Variants in SPATA13 observed in about 807,000 individuals in gnomAD.
SPATA13 encodes spermatogenesis-associated protein 13.
Under a neutral mutation model 104.0 loss-of-function variants are expected in SPATA13, and 50 were observed. The ratio of observed to expected loss-of-function variants is 0.48; its 90% CI spans 0.38 to 0.61. The LOEUF (loss-of-function observed/expected upper bound fraction) is 0.61. Among genes scored for constraint, SPATA13 ranks in the 20% least tolerant of loss-of-function variants. SPATA13 has a pLI of 0.00. For synonymous variants in SPATA13, 606 were observed against 667.5 expected, an observed-to-expected ratio of 0.91 and a Z score of 1.42; for missense variants, 1,524 against 1,690.6, an observed-to-expected ratio of 0.90 and a Z score of 1.73.
At chr13:24,110,056 A>T (rs1880588486) in intron 3 of SPATA13, among the ~76,000 whole-genome samples, 1 of 149,858 alleles carries the variant, frequency 6.7e-6, no homozygotes, top group Admixed American at 6.7e-5. Flanking sequence ...GCAGCGGGAC[A>T]TGTCATTTTG....
intron 2 of SPATA13, among the ~76,000 whole-genome samples, chr13:24,016,091 C>T (rs796472318): frequency 2.0e-5 from 3 of 152,276 alleles, no homozygotes; most frequent in African/African-American, 7.2e-5. Flanking sequence ...GGCAGAGCCC[C>T]GTTCCAAGTC....
At chr13:23,981,152 C>A (rs1874874279) in intron 1 of SPATA13, among the ~76,000 whole-genome samples, 1 of 152,116 alleles carries the variant, frequency 6.6e-6, no homozygotes, top group Non-Finnish European at 1.5e-5. Flanking sequence ...GCGACTTTCA[C>A]AAAGGACTAG....
chr13:24,174,460 T>C (rs542608778), intron 1 of SPATA13, among the ~76,000 whole-genome samples: 17 of 152,250 alleles, frequency 1.1e-4, no homozygotes, highest in African/African-American at 4.1e-4. Context: ...TATGAGCATT[T>C]CGTGCTATCA....
chr13:23,993,949 G>T (rs901990748), intron 2 of SPATA13, among the ~76,000 whole-genome samples: 1 of 151,030 alleles, frequency 6.6e-6, no homozygotes, highest in Non-Finnish European at 1.5e-5. Context: ...AGTCTGGGAA[G>T]TGGTGGGTGA....
In SPATA13 at chr13:24,128,446, TGAAG is replaced by T. The variant is rs575791863; in HGVS notation, c.-111-94372_-111-94369del. On this transcript the variant is annotated intron_variant, in intron 3 of 14. Transcript: ENST00000424834. ...TTTTTCTGGCTTCTGGCTAGCTAGG[TGAAG>T]AGAAGGGTGTTGCTCAGAGGTAATT... Among the ~76,000 whole-genome samples, 556 of 152,170 alleles carry T rather than the reference TGAAG, an allele frequency of 3.7e-3. 4 individuals carry two copies. Among genetic ancestry groups the T allele is most frequent in the Non-Finnish European group, 6.5e-3 (444 of 67,984 alleles).
At chr13:24,017,238 C>T (rs1333807141) in intron 2 of SPATA13, among the ~76,000 whole-genome samples, 1 of 152,212 alleles carries the variant, frequency 6.6e-6, no homozygotes, top group Non-Finnish European at 1.5e-5. Flanking sequence ...GACGATAACT[C>T]AGTTAATGCT....
chr13:24,132,072 A>G (rs1434978853), intron 3 of SPATA13, among the ~76,000 whole-genome samples: 1 of 152,224 alleles, frequency 6.6e-6, no homozygotes, highest in African/African-American at 2.4e-5. Context: ...TTGAAGGAGA[A>G]GTAGCTGACA....
intron 3 of SPATA13, among the ~76,000 whole-genome samples, chr13:24,054,133 A>G (rs17079842): frequency 0.099 from 15,084 of 151,968 alleles, 867 homozygotes; most frequent in East Asian, 0.2. Flanking sequence ...CACAAAGAGG[A>G]GTCAGGTCAA....
At position 24,209,690 on chromosome 13, in the gene SPATA13, C is replaced by T. The variant is rs146152503; in HGVS notation, c.-111-13129C>T. 9.2e-3 allele frequency among the ~76,000 whole-genome samples: 1,403 copies of T among 152,278 alleles called. 14 individuals are homozygous for T. The highest frequency in any genetic ancestry group is 0.028 in the African/African-American group (1,148 of 41,546). On this transcript the variant is annotated intron_variant, in intron 1 of 12. Transcript: ENST00000382108. The stretch of plus-strand genomic sequence containing the variant: ...CATTCAGGGACACTTAGGTCAATTG[C>T]GTATCTTGGCTACTGTGAATAGTGC...
chr13:24,082,676 C>T (rs1005587618), intron 3 of SPATA13, among the ~76,000 whole-genome samples: 5 of 150,506 alleles, frequency 3.3e-5, no homozygotes, highest in Non-Finnish European at 5.9e-5. Context: ...AAAAATTAGC[C>T]GGGCGCGGTG....
chr13:24,121,551 T>C lies in SPATA13; in HGVS notation c.-111-101268T>C, dbSNP rs747297075. Reference sequence around the variant, plus strand: ...CAATGATGAATGAAAATGATGAAGATTGAATAAAGCTATCAGATTACCTTA... The same window carrying C: ...CAATGATGAATGAAAATGATGAAGACTGAATAAAGCTATCAGATTACCTTA... On this transcript the variant is annotated intron_variant, in intron 3 of 14. Transcript: ENST00000424834. 1.1e-4 allele frequency among the ~76,000 whole-genome samples: 17 copies of C among 152,230 alleles called. No individual in the cohort carries two copies. The South Asian group carries it at 2.5e-3, about 22-fold the overall frequency.
intron 3 of SPATA13, among the ~76,000 whole-genome samples, chr13:24,135,110 G>A (rs1881515877): frequency 6.6e-6 from 1 of 152,024 alleles, no homozygotes; most frequent in African/African-American, 2.4e-5. Context: ...CCTTGATCTC[G>A]AACTTCTCAA....
intron 3 of SPATA13, among the ~76,000 whole-genome samples, chr13:24,139,566 T>G (rs1273616850): frequency 6.6e-6 from 1 of 152,210 alleles, no homozygotes; most frequent in Admixed American, 6.5e-5. Context: ...GTCCTCCAAA[T>G]TTTTAACTAC....
At chr13:24,247,478 CTTTTTTT>C (rs10625714) in intron 2 of SPATA13, among the ~76,000 whole-genome samples, 1 of 87,122 alleles carries the variant, frequency 1.1e-5, no homozygotes, top group African/African-American at 4.0e-5. Flanking sequence ...TCCACATTCA[CTTTTTTT>C]TTTTTTTTTT....
rs1478101457 is a variant in SPATA13 at position 24,223,396 on chromosome 13, C to T, written c.467C>T (p.Ala156Val). Residue 156 changes from alanine to valine, a missense_variant, in exon 2 of 13, where the codon GCC becomes GTC. Ala to Val is a moderately conservative substitution (Grantham distance 64). Coordinates refer to ENST00000382108, the MANE Select transcript of SPATA13 (RefSeq NM_001166271.3). The part of the protein sequence containing the change: ...KSIPNGAVPG[A>V]QASRGSPLAP... ...ATCCCAAATGGCGCTGTCCCAGGAGCCCAGGCAAGCAGGGGCTCCCCCTTA... is the reference window on the plus strand; with the variant it reads ...ATCCCAAATGGCGCTGTCCCAGGAGTCCAGGCAAGCAGGGGCTCCCCCTTA... 28 of 1,551,264 alleles carry T rather than the reference C, an allele frequency of 1.8e-5. No homozygotes were observed. The highest frequency in any genetic ancestry group is 2.4e-5 in the Non-Finnish European group (27 of 1,146,960).
chr13:24,242,599 T>C (rs1368209527), intron 2 of SPATA13, among the ~76,000 whole-genome samples: 1 of 152,210 alleles, frequency 6.6e-6, no homozygotes, highest in African/African-American at 2.4e-5. Flanking sequence ...TGGGGGTAAT[T>C]ACGTCTTCTT....
Position 24,249,610 on chromosome 13 carries a change from T to C in SPATA13, c.1787T>C (p.Leu596Pro), listed in dbSNP as rs549702506. ...CGGCCATTCTCTGACTACGGCCAGC[T>C]GGCCAGCCGCAGTTTGTCTATTCCT... ...RPRPFSDYGQ[L>P]ASRSLSIPED... is the part of the protein sequence containing the mutation. The change falls in exon 3 of 13, where the codon CTG becomes CCG. Residue 596 changes from leucine (L) to proline (P), a missense_variant. Coordinates refer to ENST00000382108, the MANE Select transcript of SPATA13 (RefSeq NM_001166271.3). The C allele has an allele frequency of 4.9e-5, 79 of 1,613,940 alleles. No individual in the cohort carries two copies. Among genetic ancestry groups the C allele is most frequent in the South Asian group, 3.4e-4 (31 of 91,078 alleles).
chr13:24,084,147 A>G (rs1056021051), intron 3 of SPATA13, among the ~76,000 whole-genome samples: 1 of 152,214 alleles, frequency 6.6e-6, no homozygotes, highest in Admixed American at 6.5e-5. Context: ...GCCTGATCCT[A>G]ATTATCTTCC....
intron 4 of SPATA13, among the ~76,000 whole-genome samples, chr13:24,265,107 C>T (rs749160850): frequency 2.0e-4 from 31 of 152,248 alleles, no homozygotes; most frequent in Non-Finnish European, 4.1e-4. Context: ...CGGGGCGAGT[C>T]TCACAGAGTT....
Sources: gnomAD v4.1 joint callset for allele counts (sites outside exome capture counted in the v4.1 genomes callset) on GRCh38, gnomAD v4.1.1 for gene constraint, MANE v1.5 for transcripts, NCBI Gene and HGNC (gene_info 2026-07-23, HGNC 2026-07-21) for gene names.